The following CCNY variants were observed in gnomAD, a reference collection of about 807,000 sequenced individuals.
CCNY encodes cyclin Y, also known as cyclin-Y.
Under a neutral mutation model 42.8 loss-of-function variants are expected in CCNY, and 19 were observed. That is an observed-to-expected ratio of 0.44 (90% CI 0.31 to 0.65). The LOEUF is 0.65. Ranked by LOEUF, CCNY falls within the 30% of genes least tolerant of loss-of-function variation. CCNY has a pLI of 0.07. For missense variants in CCNY, 370 were observed against 437.3 expected, an observed-to-expected ratio of 0.85 and a Z score of 1.37; for synonymous variants, 165 against 162.7, an observed-to-expected ratio of 1.01 and a Z score of -0.11.
At chr10:35,374,339 C>G (rs377167237) in intron 1 of CCNY, among the ~76,000 whole-genome samples, 1 of 152,144 alleles carries the variant, frequency 6.6e-6, no homozygotes, top group African/African-American at 2.4e-5. Context: ...CTCAGGAACA[C>G]AGATGTCTCC....
At chr10:35,481,801 C>A (rs901307645) in intron 1 of CCNY, among the ~76,000 whole-genome samples, 2 of 152,174 alleles carry the variant, frequency 1.3e-5, no homozygotes, top group African/African-American at 4.8e-5. Flanking sequence ...TATTTAACCC[C>A]TTTTATATCC....
intron 1 of CCNY, among the ~76,000 whole-genome samples, chr10:35,423,579 C>T (rs1045195113): frequency 6.6e-6 from 1 of 151,124 alleles, no homozygotes; most frequent in African/African-American, 2.4e-5. Context: ...TTTTGGTACA[C>T]TGTACATTTT....
At chr10:35,422,804 G>A (rs956714724) in intron 1 of CCNY, among the ~76,000 whole-genome samples, 1 of 152,134 alleles carries the variant, frequency 6.6e-6, no homozygotes, top group African/African-American at 2.4e-5. Context: ...TAGGATGTCT[G>A]TTTATCCTTC....
chr10:35,315,710 C>T (rs1835752182), intron 3 of CCNY, among the ~76,000 whole-genome samples: 1 of 152,212 alleles, frequency 6.6e-6, no homozygotes, highest in South Asian at 2.1e-4. Context: ...TACACTGCCA[C>T]TAGCAGTGTA....
chr10:35,559,967 CTG>C lies in CCNY; in HGVS notation c.747-6053_747-6052del, dbSNP rs1475316548. On this transcript the variant is annotated intron_variant, in intron 8 of 9. Coordinates refer to ENST00000374704, the MANE Select transcript of CCNY (RefSeq NM_145012.6). Reference sequence around the variant, plus strand: ...TGCTAGATTTCGGGCTTGCTGGACACTGTGACCTCTTTCTTTCTGAGTTTTCT... The same window carrying C: ...TGCTAGATTTCGGGCTTGCTGGACACTGACCTCTTTCTTTCTGAGTTTTCT... Among the ~76,000 whole-genome samples the C allele has an allele frequency of 2.0e-5, 3 of 152,308 alleles. No individual in the cohort carries two copies. In the East Asian group the frequency reaches 5.8e-4, roughly 29 times the overall value.
At chr10:35,554,887 A>G (rs1054030706) in intron 8 of CCNY, among the ~76,000 whole-genome samples, 1 of 152,248 alleles carries the variant, frequency 6.6e-6, no homozygotes, top group Admixed American at 6.5e-5. Context: ...TGACCAGTGA[A>G]TAACATTAGA....
chr10:35,424,411 A>G (rs1043010290), intron 1 of CCNY, among the ~76,000 whole-genome samples: 1 of 152,296 alleles, frequency 6.6e-6, no homozygotes, highest in African/African-American at 2.4e-5. Flanking sequence ...TTTTTAGTAG[A>G]GACGGGGTTT....
chr10:35,456,547 A>G (rs941012659), intron 1 of CCNY, among the ~76,000 whole-genome samples: 1 of 152,294 alleles, frequency 6.6e-6, no homozygotes, highest in Non-Finnish European at 1.5e-5. Context: ...CTGGTTGCCT[A>G]TTATCCATCC....
intron 7 of CCNY, among the ~76,000 whole-genome samples, chr10:35,546,178 A>G (rs1327126285): frequency 6.6e-6 from 1 of 152,250 alleles, no homozygotes; most frequent in Non-Finnish European, 1.5e-5. Flanking sequence ...GGCAGATTTA[A>G]AGTCCAGAAA....
intron 7 of CCNY, among the ~76,000 whole-genome samples, chr10:35,544,627 T>G (rs1436861640): frequency 6.6e-6 from 1 of 152,200 alleles, no homozygotes; most frequent in Non-Finnish European, 1.5e-5. Context: ...GTGTTGAGTG[T>G]TGGTTACGCA....
chr10:35,453,741 G>T (rs183111968), intron 1 of CCNY, among the ~76,000 whole-genome samples: 77 of 152,086 alleles, frequency 5.1e-4, no homozygotes, highest in South Asian at 2.1e-3. Flanking sequence ...CTTTTTTAAG[G>T]CTCTTTGTAT....
intron 1 of CCNY, among the ~76,000 whole-genome samples, chr10:35,469,797 CAGATATGGAGATGGAG>C (rs1839349047): frequency 7.2e-6 from 1 of 139,596 alleles, no homozygotes; most frequent in East Asian, 2.2e-4. Flanking sequence ...ACTGGAGAGA[CAGATATGGAGATGGAG>C]AGATAGGGAG....
chr10:35,260,531 CCTA>C (rs1232116334), intron 3 of CCNY, among the ~76,000 whole-genome samples: 1 of 152,146 alleles, frequency 6.6e-6, no homozygotes, highest in African/African-American at 2.4e-5. Flanking sequence ...TGGGTTTCAC[CCTA>C]AGAAAAGAGT....
intron 1 of CCNY, among the ~76,000 whole-genome samples, chr10:35,435,486 C>T (rs1413146344): frequency 1.3e-5 from 2 of 152,116 alleles, no homozygotes; most frequent in East Asian, 1.9e-4. Context: ...GGCCCATCTG[C>T]GTGGAGGACT....
intron 1 of CCNY, among the ~76,000 whole-genome samples, chr10:35,362,501 C>T (rs2135157856): frequency 6.6e-6 from 1 of 152,106 alleles, no homozygotes; most frequent in South Asian, 2.1e-4. Flanking sequence ...GAGGATAGTC[C>T]AGACGAGGCT....
At chr10:35,289,063 C>T (rs955774061) in intron 3 of CCNY, among the ~76,000 whole-genome samples, 7 of 152,042 alleles carry the variant, frequency 4.6e-5, no homozygotes, top group African/African-American at 1.7e-4. Context: ...AGATATCTCT[C>T]CATTTACTGA....
chr10:35,376,195 T>C (rs1837048200), intron 1 of CCNY, among the ~76,000 whole-genome samples: 2 of 152,206 alleles, frequency 1.3e-5, no homozygotes, highest in African/African-American at 2.4e-5. Context: ...TTAAAAATTA[T>C]TGAAACTCTC....
At chr10:35,416,032 A>C (rs1273769221) in intron 1 of CCNY, among the ~76,000 whole-genome samples, 1 of 152,174 alleles carries the variant, frequency 6.6e-6, no homozygotes, top group Non-Finnish European at 1.5e-5. Flanking sequence ...AGCTTTATAC[A>C]ATGTTTTTGG....
intron 3 of CCNY, among the ~76,000 whole-genome samples, chr10:35,267,303 A>G (rs1210506496): frequency 2.1e-5 from 3 of 142,326 alleles, no homozygotes; most frequent in Non-Finnish European, 3.1e-5. Flanking sequence ...GAGAGATCCC[A>G]TCACTTAGAA....
Sources: allele counts gnomAD v4.1 joint callset (sites outside exome capture counted in the v4.1 genomes callset), GRCh38; gene constraint gnomAD v4.1.1; transcripts MANE v1.5; gene names NCBI Gene and HGNC (gene_info 2026-07-23, HGNC 2026-07-21).